SAMD4A: variants seen among roughly 807,000 people sequenced by gnomAD.
SAMD4A encodes protein Smaug homolog 1.
In SAMD4A, 33 loss-of-function variants were observed where a neutral mutation model predicts 81.3. That is an observed-to-expected ratio of 0.41 (90% confidence interval 0.31 to 0.54). The LOEUF (loss-of-function observed/expected upper bound fraction) is 0.54, where lower values mean the gene tolerates loss of function less well. Ranked by LOEUF, SAMD4A falls within the 20% of genes least tolerant of loss-of-function variation. The pLI is 0.37. For missense variants in SAMD4A, 854 were observed against 951.1 expected (o/e 0.90, Z 1.34); for synonymous variants, 389 against 382.1 (o/e 1.02, Z -0.21).
chr14:54,687,994 A>G, intron 2 of SAMD4A: 1 of 985,822 alleles, frequency 1.0e-6, no homozygotes, highest in Non-Finnish European at 1.2e-6. Context: ...AGCTGTGCCC[A>G]GTGGACACCT....
At chr14:54,737,561 T>TTTTTTTTTTTTTTTTTTTTTG (rs34263162) in intron 4 of SAMD4A, among the ~76,000 whole-genome samples, 4 of 122,650 alleles carry the variant, frequency 3.3e-5, no homozygotes, top group African/African-American at 6.2e-5. Context: ...TTTTTTTTTT[T>TTTTTTTTTTTTTTTTTTTTTG]GCATTGCAGT....
chr14:54,733,816 T>C (rs4901536), intron 3 of SAMD4A, among the ~76,000 whole-genome samples: 100,036 of 149,562 alleles, frequency 0.67, 33,504 homozygotes, highest in Non-Finnish European at 0.72. Context: ...CTACTCTTCC[T>C]GCCTACTCAT....
At chr14:54,786,901 G>T (rs2039155350) in intron 12 of SAMD4A, among the ~76,000 whole-genome samples, 1 of 152,116 alleles carries the variant, frequency 6.6e-6, no homozygotes, top group South Asian at 2.1e-4. Context: ...TTTTAGTGCT[G>T]TGTTTTTTCC....
intron 3 of SAMD4A, among the ~76,000 whole-genome samples, chr14:54,719,159 G>A (rs969074639): frequency 1.3e-5 from 2 of 152,080 alleles, no homozygotes; most frequent in Non-Finnish European, 2.9e-5. Flanking sequence ...GGCTTTGGCT[G>A]GGCTATCAGA....
At chr14:54,638,983 G>C (rs1326691137) in intron 2 of SAMD4A, among the ~76,000 whole-genome samples, 1 of 152,090 alleles carries the variant, frequency 6.6e-6, no homozygotes, top group African/African-American at 2.4e-5. Context: ...ACCAAGTTTA[G>C]GTTTATTAAC....
intron 2 of SAMD4A, 123 bp downstream of exon 2, chr14:54,568,235 G>T: frequency 1.2e-6 from 1 of 863,142 alleles, no homozygotes; most frequent in East Asian, 3.4e-5. Flanking sequence ...TGGACGGCGT[G>T]GCCCCGAGGC....
chr14:54,776,427 C>A lies in SAMD4A; in HGVS notation c.1931C>A (p.Ala644Asp), dbSNP rs750403029. 1.9e-6 allele frequency: 3 copies of A among 1,590,962 alleles called. No homozygotes were observed. Among genetic ancestry groups the A allele is most frequent in the Non-Finnish European group, 1.7e-6 (2 of 1,169,906 alleles). ...MKQGRQNLWF[A>D]NPGGSNSMPS... ...TTTTCTCACCAGAACCTGTGGTTTG[C>A]CAACCCCGGGGGCAGCAATAGCATG... The change falls in exon 11 of 13, where the codon GCC (alanine) becomes GAC (aspartate). Residue 644 changes from alanine (A) to aspartate (D), a missense_variant. Ala to Asp is a moderately radical substitution (Grantham distance 126, BLOSUM62 -2). Around this residue, in one of 3 missense-constraint regions of SAMD4A, gnomAD observed 428 missense variants for 471.2 expected, o/e 0.91. Transcript: ENST00000554335.
chr14:54,603,767 AAAG>A (rs1013241256), intron 2 of SAMD4A, among the ~76,000 whole-genome samples: 1 of 152,016 alleles, frequency 6.6e-6, no homozygotes, highest in African/African-American at 2.4e-5. Flanking sequence ...AAAAAAAAAA[AAAG>A]AACTTTTGTA....
At chr14:54,669,675 A>G (rs2035835103) in intron 2 of SAMD4A, among the ~76,000 whole-genome samples, 1 of 151,860 alleles carries the variant, frequency 6.6e-6, no homozygotes, top group African/African-American at 2.4e-5. Context: ...CTAGGCCCCC[A>G]CTAGGTATTG....
At chr14:54,624,954 C>T (rs921026717) in intron 2 of SAMD4A, among the ~76,000 whole-genome samples, 1 of 152,120 alleles carries the variant, frequency 6.6e-6, no homozygotes, top group Non-Finnish European at 1.5e-5. Flanking sequence ...CTTTGAAATA[C>T]ATATCTGGAA....
At chr14:54,776,135 C>A (rs2038840595) in intron 10 of SAMD4A, among the ~76,000 whole-genome samples, 1 of 149,838 alleles carries the variant, frequency 6.7e-6, no homozygotes. Context: ...GCAAAAGCAA[C>A]AAATGCGATA....
intron 11 of SAMD4A, 25 bp downstream of exon 11, chr14:54,776,565 C>G: frequency 6.6e-7 from 1 of 1,525,452 alleles, no homozygotes; most frequent in Non-Finnish European, 8.8e-7. Flanking sequence ...TTCATGTCCC[C>G]TTGACACAGA....
At chr14:54,573,255 C>A (rs1333796606) in intron 2 of SAMD4A, among the ~76,000 whole-genome samples, 2 of 152,202 alleles carry the variant, frequency 1.3e-5, no homozygotes, top group African/African-American at 4.8e-5. Flanking sequence ...CGCCTGGGCA[C>A]TCACGGCCTT....
intron 2 of SAMD4A, among the ~76,000 whole-genome samples, chr14:54,612,164 CA>C (rs1298075634): frequency 6.6e-6 from 1 of 152,082 alleles, no homozygotes. Flanking sequence ...TGGAAAATAA[CA>C]ACTAAAAATT....
chr14:54,721,005 A>C (rs1326507131), intron 3 of SAMD4A, among the ~76,000 whole-genome samples: 4 of 151,946 alleles, frequency 2.6e-5, no homozygotes, highest in Non-Finnish European at 5.9e-5. Context: ...TAACCTTTTC[A>C]TTTCCTGTCA....
rs968981506 is a variant in SAMD4A, at chr14:54,775,714, C to T, written c.1917+579C>T. ...TTCCGCCTGTGTGCCCAGAGCTTCTCGAAGCTCTGTGGGTAGGGATTAGGA... is the reference window on the plus strand; with the variant it reads ...TTCCGCCTGTGTGCCCAGAGCTTCTTGAAGCTCTGTGGGTAGGGATTAGGA... On this transcript the variant is annotated intron_variant, in intron 10 of 12. Transcript: ENST00000554335. Among the ~76,000 whole-genome samples the T allele has an allele frequency of 5.3e-5, 8 of 152,140 alleles. No individual in the cohort carries two copies. In the East Asian group the frequency reaches 1.5e-3, roughly 29 times the overall value.
intron 2 of SAMD4A, among the ~76,000 whole-genome samples, chr14:54,678,750 G>A (rs1053696831): frequency 2.0e-5 from 3 of 151,884 alleles, no homozygotes; most frequent in African/African-American, 4.8e-5. Context: ...GGGTTTCACC[G>A]TGTTAGCCAG....
At chr14:54,565,886 A>C (rs1594668441), upstream of SAMD4A, among the ~76,000 whole-genome samples, 1 of 149,912 alleles carries the variant, frequency 6.7e-6, no homozygotes, top group Non-Finnish European at 1.5e-5. The surrounding 1 kb of genome is among the most constrained non-coding windows in gnomAD (Gnocchi z 5.4). Flanking sequence ...CCTCTGCGCC[A>C]CCAGCTCCTC....
At position 54,602,065 on chromosome 14, in the gene SAMD4A, G is replaced by T. The variant is rs145776476; in HGVS notation, c.196+33953G>T. ...GTCCTGGGATCCGCCTGGTACCAGA[G>T]ACTTCTTTTTTTCTCTCACTTGGGC... On this transcript the variant is annotated intron_variant, in intron 2 of 12. Coordinates refer to ENST00000554335, the MANE Select transcript of SAMD4A (RefSeq NM_015589.6). 9.2e-5 allele frequency among the ~76,000 whole-genome samples: 14 copies of T among 152,282 alleles called. No homozygotes were observed. In the East Asian group the frequency reaches 1.4e-3, roughly 15 times the overall value.
Sources: gnomAD v4.1 joint callset for allele counts (sites outside exome capture counted in the v4.1 genomes callset) on GRCh38, gnomAD v4.1.1 for gene constraint, gnomAD v4.1.1 regional missense constraint, Gnocchi (gnomAD v3.1) non-coding constraint, MANE v1.5 for transcripts, NCBI Gene and HGNC (gene_info 2026-07-23, HGNC 2026-07-21) for gene names.